The following CDH12 variants were observed in gnomAD, a reference collection of about 807,000 sequenced individuals.
CDH12 encodes the protein cadherin 12, also known as cadherin-12.
CDH12 carries 41 observed loss-of-function variants against 74.1 expected under a neutral mutation model. The observed-to-expected ratio is 0.55, with a 90% CI of 0.43 to 0.72. The LOEUF (loss-of-function observed/expected upper bound fraction) is 0.72. Among genes scored for constraint, CDH12 ranks in the 30% least tolerant of loss-of-function variants. The pLI, the probability that CDH12 is intolerant of heterozygous loss-of-function variation, is 0.00. For missense variants in CDH12, 945 were observed against 977.2 expected (o/e 0.97, Z 0.44); for synonymous variants, 399 against 355.0 (o/e 1.12, Z -1.39).
At chr5:21,990,557 A>G (rs1757700530) in intron 5 of CDH12, among the ~76,000 whole-genome samples, 1 of 151,990 alleles carries the variant, frequency 6.6e-6, no homozygotes, top group South Asian at 2.1e-4. Flanking sequence ...TTCATATCCA[A>G]ATAAGCCCAG....
chr5:22,539,819 C>T (rs1023161152), intron 1 of CDH12, among the ~76,000 whole-genome samples: 7 of 152,132 alleles, frequency 4.6e-5, no homozygotes, highest in African/African-American at 1.7e-4. Context: ...ATCAAAGTAG[C>T]AAGGTTATAA....
intron 8 of CDH12, among the ~76,000 whole-genome samples, chr5:21,828,397 C>T (rs1034125435): frequency 2.6e-5 from 4 of 152,160 alleles, no homozygotes; most frequent in East Asian, 1.9e-4. Flanking sequence ...GCTGGGATTA[C>T]AGGCGTGAGC....
At chr5:22,517,343 A>C (rs2126680208) in intron 1 of CDH12, among the ~76,000 whole-genome samples, 1 of 152,174 alleles carries the variant, frequency 6.6e-6, no homozygotes, top group South Asian at 2.1e-4. Flanking sequence ...GCCACTATAA[A>C]ATTTAGTCGT....
intron 5 of CDH12, among the ~76,000 whole-genome samples, chr5:22,048,480 G>T (rs1230954949): frequency 6.6e-6 from 1 of 152,080 alleles, no homozygotes; most frequent in Non-Finnish European, 1.5e-5. Flanking sequence ...ACTAAAATGT[G>T]CAAGTACAGG....
intron 1 of CDH12, among the ~76,000 whole-genome samples, chr5:22,677,664 A>C (rs1580878139): frequency 6.6e-6 from 1 of 152,156 alleles, no homozygotes; most frequent in East Asian, 1.9e-4. Flanking sequence ...GCACACAGAT[A>C]ATAAGGGAGA....
intron 1 of CDH12, among the ~76,000 whole-genome samples, chr5:22,598,634 T>A (rs1736711976): frequency 6.6e-6 from 1 of 152,192 alleles, no homozygotes; most frequent in Admixed American, 6.5e-5. Context: ...TCCTCAGAGT[T>A]TTTACAAAAC....
chr5:22,717,834 A>C (rs2126984580), intron 1 of CDH12, among the ~76,000 whole-genome samples: 1 of 152,312 alleles, frequency 6.6e-6, no homozygotes, highest in Middle Eastern at 3.4e-3. Context: ...GAGAGAAATA[A>C]GAAAATGCTC....
At chr5:22,283,251 T>TACACACACACACACAC (rs70959712) in intron 3 of CDH12, among the ~76,000 whole-genome samples, 1 of 102,058 alleles carries the variant, frequency 9.8e-6, no homozygotes, top group African/African-American at 4.1e-5. Context: ...TATATATATA[T>TACACACACACACACAC]ACACACACAC....
At chr5:22,536,152 T>A (rs1737832468) in intron 1 of CDH12, among the ~76,000 whole-genome samples, 1 of 152,188 alleles carries the variant, frequency 6.6e-6, no homozygotes, top group Admixed American at 6.5e-5. Flanking sequence ...AGGAAAGACT[T>A]AATATTTCCT....
chr5:22,765,550 G>T (rs1360946791), intron 1 of CDH12, among the ~76,000 whole-genome samples: 8 of 151,906 alleles, frequency 5.3e-5, no homozygotes, highest in African/African-American at 1.9e-4. Context: ...TTTTAATAAA[G>T]TATAGAAGAA....
chr5:22,340,525 C>CA (rs35157556), intron 3 of CDH12, among the ~76,000 whole-genome samples: 67,135 of 130,350 alleles, frequency 0.52, 16,961 homozygotes, highest in African/African-American at 0.7. Context: ...GACTCCGTCT[C>CA]AAAAAAAAAA....
chr5:21,782,529 T>C (rs1745971257), intron 11 of CDH12, among the ~76,000 whole-genome samples: 1 of 152,148 alleles, frequency 6.6e-6, no homozygotes, highest in Admixed American at 6.6e-5. Context: ...TGCTAAAGTG[T>C]TATAAATTTG....
intron 5 of CDH12, among the ~76,000 whole-genome samples, chr5:22,030,538 T>C (rs1452966229): frequency 2.0e-5 from 3 of 152,212 alleles, no homozygotes; most frequent in African/African-American, 7.2e-5. Context: ...AGATGTGCTG[T>C]CATCCAGGGT....
At chr5:22,714,834 C>A (rs1353431610) in intron 1 of CDH12, among the ~76,000 whole-genome samples, 1 of 152,138 alleles carries the variant, frequency 6.6e-6, no homozygotes, top group African/African-American at 2.4e-5. Context: ...AAATTGAATT[C>A]TGGGGCTTAA....
intron 8 of CDH12, among the ~76,000 whole-genome samples, chr5:21,828,253 G>A (rs1748793654): frequency 6.6e-6 from 1 of 151,838 alleles, no homozygotes; most frequent in Admixed American, 6.6e-5. Flanking sequence ...CTCCCAAGTA[G>A]CCGGGGCTAC....
chr5:22,703,681 T>A (rs1379168735), intron 1 of CDH12, among the ~76,000 whole-genome samples: 1 of 152,270 alleles, frequency 6.6e-6, no homozygotes, highest in South Asian at 2.1e-4. Context: ...TATTTTCCAA[T>A]GCAGTTAATT....
At chr5:21,786,065 C>T (rs949946964) in intron 10 of CDH12, among the ~76,000 whole-genome samples, 1 of 152,118 alleles carries the variant, frequency 6.6e-6, no homozygotes. Context: ...TCCTAGAGCC[C>T]CTATGAATTT....
intron 4 of CDH12, among the ~76,000 whole-genome samples, chr5:22,111,601 C>T (rs890573892): frequency 1.3e-5 from 2 of 152,094 alleles, no homozygotes; most frequent in Non-Finnish European, 2.9e-5. Context: ...ACTTGTTCAC[C>T]ATCTGTCCTC....
intron 1 of CDH12, among the ~76,000 whole-genome samples, chr5:22,660,534 C>G (rs1212265984): frequency 1.3e-5 from 2 of 152,158 alleles, no homozygotes; most frequent in Non-Finnish European, 2.9e-5. Context: ...GTCTCAGCCC[C>G]CGGAGTAGCT....
Sources: allele counts gnomAD v4.1 joint callset (sites outside exome capture counted in the v4.1 genomes callset), GRCh38; gene constraint gnomAD v4.1.1; transcripts MANE v1.5; gene names NCBI Gene and HGNC (gene_info 2026-07-23, HGNC 2026-07-21).